PECAM1: variants seen among roughly 807,000 people sequenced by gnomAD.
PECAM1 encodes the protein platelet and endothelial cell adhesion molecule 1.
Under a neutral mutation model 13.8 loss-of-function variants are expected in PECAM1, and 8 were observed. That is an observed-to-expected ratio of 0.58 (90% confidence interval 0.34 to 1.05). The LOEUF (loss-of-function observed/expected upper bound fraction) is 1.05, where lower values mean the gene tolerates loss of function less well. Among genes scored for constraint, PECAM1 ranks in the 50% least tolerant of loss-of-function variants. PECAM1 has a pLI of 0.03. For missense variants in PECAM1, 304 were observed against 141.2 expected (o/e 2.15, Z -5.84); for synonymous variants, 136 against 52.6 (o/e 2.58, Z -6.86).
At chr17:64,328,906 C>T (rs2035028783) in intron 15 of PECAM1, among the ~76,000 whole-genome samples, 1 of 152,152 alleles carries the variant, frequency 6.6e-6, no homozygotes, top group South Asian at 2.1e-4. Flanking sequence ...TTTCATAAAC[C>T]CTCCCATCTG....
Position 64,356,397 on chromosome 17 carries a change from G to T in PECAM1, c.1494C>A (p.Ala498=), listed in dbSNP as rs2035847061. The T allele has an allele frequency of 1.1e-5, 5 of 464,394 alleles. No individual in the cohort carries two copies. Among genetic ancestry groups the T allele is most frequent in the Non-Finnish European group, 2.0e-5 (5 of 254,174 alleles). 28.8% of individuals were successfully genotyped at this position (464,394 alleles called of 1,614,324 possible). The change falls in exon 8 of 16, where the codon GCC becomes GCA. Residue 498 remains alanine, a splice_region_variant and synonymous_variant. Transcript: ENST00000563924. ...LSEVLRVKVI[A]PVDEVQISIL... The stretch of plus-strand genomic sequence containing the variant: ...TAGAAATCTGGACCTCATCCACCGG[G>T]GCTGAAAAGCAGGAAAAGGATTCAC...
chr17:64,326,559 T>C (rs1247747401), intron 15 of PECAM1, among the ~76,000 whole-genome samples: 1 of 152,156 alleles, frequency 6.6e-6, no homozygotes, highest in African/African-American at 2.4e-5. Flanking sequence ...CTGCTCTGCC[T>C]GGATGGGGGA....
chr17:64,331,123 C>T (rs1393125592), intron 14 of PECAM1, among the ~76,000 whole-genome samples: 3 of 152,060 alleles, frequency 2.0e-5, no homozygotes, highest in Non-Finnish European at 2.9e-5. Context: ...TGCCAACGCT[C>T]TTAGCAGATC....
At position 64,323,138 on chromosome 17, in the gene PECAM1, G is replaced by A. The variant is rs1318974596; in HGVS notation, c.*678C>T. ...AGCATGGTAGAGGAAAAGAGAAAGA[G>A]TGTAGACAAAAACAGTTGAAGAACA... On this transcript the variant is annotated 3_prime_UTR_variant, in exon 16 of 16. Coordinates refer to ENST00000563924, the MANE Select transcript of PECAM1 (RefSeq NM_000442.5). The A allele has an allele frequency of 1.0e-6, 1 of 985,814 alleles. No homozygotes were observed. The highest frequency in any genetic ancestry group is 1.2e-6 in the Non-Finnish European group (1 of 830,294). The allele number at this position is 985,814 out of a possible 1,614,324, so 61.1% of individuals were successfully genotyped here. A position where few individuals can be genotyped will look rare whatever the true frequency, so the allele number is the denominator to read the frequency against.
At chr17:64,325,305 G>A (rs1049128824) in intron 15 of PECAM1, among the ~76,000 whole-genome samples, 4 of 152,064 alleles carry the variant, frequency 2.6e-5, no homozygotes, top group African/African-American at 7.2e-5. Context: ...GGAGAATGGC[G>A]TGAACCCGGG....
chr17:64,323,305 G>A lies in PECAM1; in HGVS notation c.*511C>T. On this transcript the variant is annotated 3_prime_UTR_variant, in exon 16 of 16. Transcript: ENST00000563924. ...GGCGAGGTCATAGAGGGGACAGGGG[G>A]AGGCTGTCTGGTCAGCACTGTGTAT... The A allele has an allele frequency of 6.0e-6, 6 of 1,005,448 alleles. No homozygotes were observed. The highest frequency in any genetic ancestry group is 7.1e-6 in the Non-Finnish European group (6 of 841,556). 62.3% of individuals were successfully genotyped at this position (1,005,448 alleles called of 1,614,324 possible). A position where few individuals can be genotyped will look rare whatever the true frequency, so the allele number is the denominator to read the frequency against.
intron 10 of PECAM1, 41 bp from the exon 11 acceptor site, chr17:64,352,504 T>G (rs2035748671): frequency 2.3e-6 from 1 of 440,418 alleles, no homozygotes; most frequent in South Asian, 9.5e-5. Context: ...TATATAGATA[T>G]ATTTGTTGTT....
chr17:64,390,536 A>G (rs908155281), intron 1 of PECAM1, 21 bp from the exon 2 acceptor site: 5 of 474,154 alleles, frequency 1.1e-5, no homozygotes, highest in African/African-American at 9.9e-5. Flanking sequence ...CATAAGAAAC[A>G]TGTTGATTCC....
intron 13 of PECAM1, among the ~76,000 whole-genome samples, chr17:64,343,384 G>A (rs1010866267): frequency 6.6e-6 from 1 of 152,034 alleles, no homozygotes; most frequent in East Asian, 1.9e-4. Context: ...CTCCCTCTGT[G>A]CCCTGGGAAG....
At chr17:64,388,362 C>T (rs886910152) in intron 2 of PECAM1, among the ~76,000 whole-genome samples, 11 of 151,906 alleles carry the variant, frequency 7.2e-5, no homozygotes, top group Non-Finnish European at 1.0e-4. Flanking sequence ...GAGTCACAGT[C>T]GTAAAGGGGG....
chr17:64,324,983 T>TA (rs1400371935), intron 15 of PECAM1, among the ~76,000 whole-genome samples: 1 of 152,340 alleles, frequency 6.6e-6, no homozygotes, highest in African/African-American at 2.4e-5. Context: ...TGCTTTCACT[T>TA]AAAAAGAAAA....
chr17:64,373,675 T>C (rs939677609), intron 4 of PECAM1, among the ~76,000 whole-genome samples: 2 of 152,102 alleles, frequency 1.3e-5, no homozygotes, highest in Admixed American at 6.6e-5. Flanking sequence ...TATATCCTGC[T>C]CTTTTGTCTG....
chr17:64,379,835 G>A (rs1390400740), intron 2 of PECAM1, among the ~76,000 whole-genome samples: 2 of 151,720 alleles, frequency 1.3e-5, no homozygotes, highest in African/African-American at 4.8e-5. Flanking sequence ...ACCAGCCTGG[G>A]CAACATGGCA....
At chr17:64,351,350 A>G (rs1358340946) in intron 11 of PECAM1, among the ~76,000 whole-genome samples, 1 of 152,226 alleles carries the variant, frequency 6.6e-6, no homozygotes, top group African/African-American at 2.4e-5. Context: ...TAAAAAGTAT[A>G]TCCTAAAAAT....
chr17:64,388,646 T>TGGA (rs2036652168), intron 2 of PECAM1, among the ~76,000 whole-genome samples: 1 of 152,128 alleles, frequency 6.6e-6, no homozygotes, highest in African/African-American at 2.4e-5. Flanking sequence ...GCCTCTCTCG[T>TGGA]GGACAAATCG....
chr17:64,348,114 A>G, intron 13 of PECAM1, 146 bp downstream of exon 13: 1 of 401,268 alleles, frequency 2.5e-6, no homozygotes. Flanking sequence ...TTCCAGTCTT[A>G]GCAGGCCGGT....
At chr17:64,364,135 A>G (rs1208717071) in intron 5 of PECAM1, among the ~76,000 whole-genome samples, 6 of 152,192 alleles carry the variant, frequency 3.9e-5, no homozygotes, top group African/African-American at 1.4e-4. Context: ...AAAATGATAA[A>G]GGGGATATCA....
At chr17:64,330,360 C>A (rs547947639) in intron 14 of PECAM1, among the ~76,000 whole-genome samples, 1 of 150,986 alleles carries the variant, frequency 6.6e-6, no homozygotes, top group African/African-American at 2.4e-5. Context: ...TGTAGTATCA[C>A]GGCTGGGTGT....
In PECAM1 at chr17:64,353,485, A is replaced by G. The variant is rs2035779431; in HGVS notation, c.1916+6T>C. The G allele has an allele frequency of 2.1e-6, 1 of 470,438 alleles. No homozygotes were observed. Among genetic ancestry groups the G allele is most frequent in the African/African-American group, 2.0e-5 (1 of 50,286 alleles). 29.1% of individuals were successfully genotyped at this position (470,438 alleles called of 1,614,324 possible). On this transcript the variant is annotated splice_donor_region_variant and intron_variant, in intron 10 of 15. Transcript: ENST00000563924. ...GCAGCCGCCCCCTTCTTACAAATACACTCACCTGGACATTTCCACTGGCAT... is the reference window on the plus strand; with the variant it reads ...GCAGCCGCCCCCTTCTTACAAATACGCTCACCTGGACATTTCCACTGGCAT...
Sources: gnomAD v4.1 joint callset for allele counts (sites outside exome capture counted in the v4.1 genomes callset) on GRCh38, gnomAD v4.1.1 for gene constraint, MANE v1.5 for transcripts, NCBI Gene and HGNC (gene_info 2026-07-23, HGNC 2026-07-21) for gene names.